ZMYM4: variants seen among roughly 807,000 people sequenced by gnomAD.
The protein encoded by ZMYM4 is zinc finger MYM-type protein 4.
ZMYM4 carries 31 observed loss-of-function variants against 183.2 expected under a neutral mutation model. The observed-to-expected ratio is 0.17, with a 90% CI of 0.13 to 0.23. The LOEUF (loss-of-function observed/expected upper bound fraction) is 0.23, where lower values mean the gene tolerates loss of function less well. Among genes scored for constraint, ZMYM4 ranks in the 10% least tolerant of loss-of-function variants. The probability of loss-of-function intolerance (pLI) is 1.00; values close to 1 mark genes in which losing one functional copy is unlikely to be tolerated. For synonymous variants in ZMYM4, 592 were observed against 631.2 expected (o/e 0.94, Z 0.93); for missense variants, 1,273 against 1,840.3 (o/e 0.69, Z 5.64).
At chr1:35,415,780 C>T (rs969207825) in intron 28 of ZMYM4, 66 bp downstream of exon 28, 17 of 1,555,216 alleles carry the variant, frequency 1.1e-5, no homozygotes, top group Non-Finnish European at 1.4e-5. Flanking sequence ...TAGAGAGTTA[C>T]TGCAGAAAGG....
chr1:35,299,851 A>G (rs1029327453), intron 1 of ZMYM4, among the ~76,000 whole-genome samples: 2 of 150,738 alleles, frequency 1.3e-5, no homozygotes, highest in Admixed American at 6.6e-5. Context: ...CTGGAGTGCA[A>G]TGGTGCCATC....
chr1:35,328,454 ATTTTTT>A (rs754078160), intron 2 of ZMYM4, among the ~76,000 whole-genome samples: 2,210 of 117,094 alleles, frequency 0.019, 56 homozygotes, highest in African/African-American at 0.072. Context: ...TAATTTTTTA[ATTTTTT>A]TTTTTTTTTT....
At chr1:35,274,616 TA>T (rs75013095) in intron 1 of ZMYM4, among the ~76,000 whole-genome samples, 7,247 of 134,430 alleles carry the variant, frequency 0.054, 668 homozygotes, top group East Asian at 0.42. Flanking sequence ...TTTTTTTTTT[TA>T]AAAAAAAAAA....
chr1:35,392,273 T>C lies in ZMYM4; in HGVS notation c.2649T>C (p.Thr883=). ...CCCCATCTCTGAGAAAAGATTCGAC[T>C]CCAGTTATAGCCAATGTAGTATCAT... is the stretch of plus-strand genomic sequence containing the variant. The part of the protein sequence containing the change: ...AGPPSLRKDS[T]PVIANVVSLA... Residue 883 remains threonine (T), a synonymous_variant, in exon 16 of 30, where the codon ACT becomes ACC. Coordinates refer to ENST00000314607, the MANE Select transcript of ZMYM4 (RefSeq NM_005095.3). 4.3e-6 allele frequency: 7 copies of C among 1,614,198 alleles called. No individual in the cohort carries two copies. The highest frequency in any genetic ancestry group is 5.9e-6 in the Non-Finnish European group (7 of 1,180,034).
chr1:35,347,215 C>G (rs1643430473), intron 2 of ZMYM4, among the ~76,000 whole-genome samples: 1 of 152,218 alleles, frequency 6.6e-6, no homozygotes, highest in African/African-American at 2.4e-5. Flanking sequence ...CCATGTTGGC[C>G]AAGCTGGTCT....
At chr1:35,313,384 CTTTT>C (rs374300765) in intron 1 of ZMYM4, among the ~76,000 whole-genome samples, 2,580 of 85,624 alleles carry the variant, frequency 0.03, 74 homozygotes, top group African/African-American at 0.072. Context: ...TTTTCTTTTT[CTTTT>C]TCTTTTTTTT....
intron 2 of ZMYM4, among the ~76,000 whole-genome samples, chr1:35,338,761 T>G (rs1643077525): frequency 6.6e-6 from 1 of 152,230 alleles, no homozygotes. Flanking sequence ...TTTTAATTTT[T>G]TTTGTGAAAT....
chr1:35,360,882 T>G (rs1643920110), intron 3 of ZMYM4, among the ~76,000 whole-genome samples: 2 of 151,872 alleles, frequency 1.3e-5, no homozygotes, highest in South Asian at 4.2e-4. Flanking sequence ...CAGAGGGGAC[T>G]TGGAATAGAA....
chr1:35,345,338 A>G (rs1368260750), intron 2 of ZMYM4, among the ~76,000 whole-genome samples: 1 of 152,198 alleles, frequency 6.6e-6, no homozygotes, highest in African/African-American at 2.4e-5. Context: ...TTTAAACTGT[A>G]TGGACCTCCA....
At chr1:35,378,201 A>G (rs1644375909) in intron 7 of ZMYM4, among the ~76,000 whole-genome samples, 1 of 152,154 alleles carries the variant, frequency 6.6e-6, no homozygotes, top group Non-Finnish European at 1.5e-5. Context: ...TATTTCCTCC[A>G]CAGAAGTCTC....
chr1:35,308,397 G>A (rs1173064557), intron 1 of ZMYM4, among the ~76,000 whole-genome samples: 1 of 152,134 alleles, frequency 6.6e-6, no homozygotes, highest in African/African-American at 2.4e-5. Flanking sequence ...ACTGTCTCCC[G>A]TGCCAGGTGC....
At chr1:35,397,015 A>G in intron 19 of ZMYM4, 1 of 924,688 alleles carries the variant, frequency 1.1e-6, no homozygotes, top group South Asian at 5.1e-5. Flanking sequence ...TGATTAAAGA[A>G]AAATGTATTT....
At chr1:35,352,702 G>A (rs1237966234) in intron 2 of ZMYM4, among the ~76,000 whole-genome samples, 1 of 152,126 alleles carries the variant, frequency 6.6e-6, no homozygotes, top group African/African-American at 2.4e-5. Context: ...TAGCTTCTAT[G>A]ACACCAGTCT....
At position 35,359,009 on chromosome 1, in the gene ZMYM4, C is replaced by G. The variant is rs1643885299; in HGVS notation, c.170C>G (p.Pro57Arg). Reference sequence around the variant, plus strand: ...CTTGACAGCATGTCTTATGGAATGCCGAATCAAACAGGATCTGAAAATTCA... The same window carrying G: ...CTTGACAGCATGTCTTATGGAATGCGGAATCAAACAGGATCTGAAAATTCA... The part of the protein sequence containing the change: ...PTLDSMSYGM[P>R]NQTGSENSLL... Residue 57 changes from proline (P) to arginine (R), a missense_variant, in exon 3 of 30, where the codon CCG becomes CGG. Pro to Arg is a moderately radical substitution (Grantham distance 103, BLOSUM62 -2). Transcript: ENST00000314607. 6.2e-7 allele frequency: 1 copy of G among 1,613,470 alleles called. No homozygotes were observed. The highest frequency in any genetic ancestry group is 8.5e-7 in the Non-Finnish European group (1 of 1,179,702).
chr1:35,407,916 G>A, intron 25 of ZMYM4, 92 bp from the exon 26 acceptor site: 1 of 1,519,598 alleles, frequency 6.6e-7, no homozygotes, highest in Non-Finnish European at 9.0e-7. Flanking sequence ...CGCAGTGCCT[G>A]GAGCACAGTA....
intron 1 of ZMYM4, among the ~76,000 whole-genome samples, chr1:35,306,076 C>G (rs1176662566): frequency 6.6e-6 from 1 of 152,000 alleles, no homozygotes; most frequent in East Asian, 1.9e-4. Flanking sequence ...GGATTTAAGT[C>G]TTCTGTCTTC....
chr1:35,407,921 A>AGTTATT, intron 25 of ZMYM4, 87 bp from the exon 26 acceptor site: 1 of 1,544,520 alleles, frequency 6.5e-7, no homozygotes, highest in East Asian at 2.3e-5. Context: ...TGCCTGGAGC[A>AGTTATT]CAGTAGTGTT....
At chr1:35,334,173 G>T (rs957816777) in intron 2 of ZMYM4, among the ~76,000 whole-genome samples, 3 of 152,066 alleles carry the variant, frequency 2.0e-5, no homozygotes, top group Admixed American at 6.6e-5. Flanking sequence ...GAAAAAATTA[G>T]TTGGGCTTGG....
intron 1 of ZMYM4, among the ~76,000 whole-genome samples, chr1:35,273,217 GAATT>G (rs1054134403): frequency 5.3e-5 from 8 of 152,158 alleles, no homozygotes; most frequent in African/African-American, 1.9e-4. Flanking sequence ...AGTATAGAGA[GAATT>G]AAGTTCATAT....
Sources: allele counts gnomAD v4.1 joint callset (sites outside exome capture counted in the v4.1 genomes callset), GRCh38; gene constraint gnomAD v4.1.1; transcripts MANE v1.5; gene names NCBI Gene and HGNC (gene_info 2026-07-23, HGNC 2026-07-21).